Variants in ZNF557 observed in about 807,000 individuals in gnomAD.
The protein encoded by ZNF557 is CTB-25J19.9.
In ZNF557, 19 loss-of-function variants were observed where a neutral mutation model predicts 21.2. The ratio of observed to expected loss-of-function variants is 0.90; its 90% CI spans 0.63 to 1.32. The LOEUF (loss-of-function observed/expected upper bound fraction) is 1.32, where lower values mean the gene tolerates loss of function less well. Ranked by LOEUF, ZNF557 falls within the 40% of genes most tolerant of loss-of-function variation. ZNF557 has a pLI of 0.00. For synonymous variants in ZNF557, 207 were observed against 194.8 expected, an observed-to-expected ratio of 1.06 and a Z score of -0.52; for missense variants, 487 against 519.8, an observed-to-expected ratio of 0.94 and a Z score of 0.61.
intron 2 of ZNF557, among the ~76,000 whole-genome samples, chr19:7,074,278 T>G (rs1977524560): frequency 6.6e-6 from 1 of 150,574 alleles, no homozygotes; most frequent in African/African-American, 2.4e-5. Context: ...AGTGCTGGGA[T>G]TATAGACAGG....
At chr19:7,073,160 T>TTG (rs1206664006) in intron 2 of ZNF557, among the ~76,000 whole-genome samples, 14 of 148,650 alleles carry the variant, frequency 9.4e-5, no homozygotes, top group African/African-American at 2.7e-4. Flanking sequence ...TTTTTTTGTT[T>TTG]TTTTTTTTTT....
At chr19:7,077,820 C>A (rs1977618197) in intron 5 of ZNF557, among the ~76,000 whole-genome samples, 1 of 152,114 alleles carries the variant, frequency 6.6e-6, no homozygotes, top group East Asian at 1.9e-4. Flanking sequence ...TGTCTCTTTT[C>A]CTTTTTTTAA....
intron 5 of ZNF557, among the ~76,000 whole-genome samples, chr19:7,078,376 G>A (rs992717532): frequency 6.6e-6 from 1 of 151,138 alleles, no homozygotes; most frequent in Non-Finnish European, 1.5e-5. Flanking sequence ...GCTTTGATGT[G>A]TAGACTTGTA....
In ZNF557 at chr19:7,083,605, T is replaced by A. The variant is rs1310845787; in HGVS notation, c.1154T>A (p.Phe385Tyr). The A allele has an allele frequency of 6.2e-7, 1 of 1,613,960 alleles. No homozygotes were observed. The highest frequency in any genetic ancestry group is 8.5e-7 in the Non-Finnish European group (1 of 1,179,964). ...GAGTGCAGTGATTGTGGAAAATCCT[T>A]TAATGTTCTCTCATCCGTTAAGAAA... is the stretch of plus-strand genomic sequence containing the variant. ...SYECSDCGKS[F>Y]NVLSSVKKHM... Residue 385 changes from phenylalanine to tyrosine, a missense_variant, in exon 8 of 8, where the codon TTT (phenylalanine) becomes TAT (tyrosine). Phe to Tyr is a conservative substitution (Grantham distance 22, BLOSUM62 3). Coordinates refer to ENST00000252840, the MANE Select transcript of ZNF557 (RefSeq NM_024341.3).
At chr19:7,073,907 G>A (rs191203252) in intron 2 of ZNF557, among the ~76,000 whole-genome samples, 17 of 152,114 alleles carry the variant, frequency 1.1e-4, no homozygotes, top group African/African-American at 3.9e-4. Context: ...CTACAGCTCT[G>A]TTTTGTCTAC....
At chr19:7,073,475 A>G (rs543329692) in intron 2 of ZNF557, among the ~76,000 whole-genome samples, 2 of 152,080 alleles carry the variant, frequency 1.3e-5, no homozygotes, top group African/African-American at 2.4e-5. Context: ...ATTTTCTTGC[A>G]TGTCATAATA....
chr19:7,071,209 T>C (rs1977449888), intron 2 of ZNF557, among the ~76,000 whole-genome samples: 1 of 152,228 alleles, frequency 6.6e-6, no homozygotes, highest in African/African-American at 2.4e-5. Flanking sequence ...AAAGTTTTTT[T>C]TTCAACCTTC....
intron 7 of ZNF557, among the ~76,000 whole-genome samples, chr19:7,082,257 A>G (rs964682456): frequency 6.6e-6 from 1 of 151,846 alleles, no homozygotes; most frequent in Non-Finnish European, 1.5e-5. Flanking sequence ...CATCTCTACT[A>G]AAAATACAAA....
chr19:7,071,448 T>G (rs1393128475), intron 2 of ZNF557, among the ~76,000 whole-genome samples: 2 of 152,188 alleles, frequency 1.3e-5, no homozygotes, highest in African/African-American at 4.8e-5. Flanking sequence ...CAGCAAAGAT[T>G]AAGATCATTT....
chr19:7,087,701 AGTGTGTGTGTGTGT>A lies in ZNF557; in HGVS notation c.*3966_*3979del, dbSNP rs34159066. 2 of 148,366 alleles carry A rather than the reference AGTGTGTGTGTGTGT, an allele frequency of 1.3e-5. No individual in the cohort carries two copies. Among genetic ancestry groups the A allele is most frequent in the East Asian group, 4.0e-4 (2 of 4,992 alleles). The allele number at this position is 148,366 out of a possible 1,614,324, so 9.2% of individuals were successfully genotyped here. A position where few individuals can be genotyped will look rare whatever the true frequency, so the allele number is the denominator to read the frequency against. Reference sequence around the variant, plus strand: ...TAAAACCAAAGAGAGAGAGAGAGAGAGTGTGTGTGTGTGTGTGTGTGTTTGGTTGGGGGGTGTTG... The same window carrying A: ...TAAAACCAAAGAGAGAGAGAGAGAGAGTGTGTGTTTGGTTGGGGGGTGTTG... On this transcript the variant is annotated 3_prime_UTR_variant, in exon 8 of 8. Transcript: ENST00000252840.
chr19:7,081,885 C>G, intron 6 of ZNF557, 85 bp from the exon 7 acceptor site: 2 of 1,022,630 alleles, frequency 2.0e-6, no homozygotes, highest in Admixed American at 1.9e-5. Flanking sequence ...TCTGCCTTCA[C>G]TCACGTATGC....
rs144055145 is a variant in ZNF557, at chr19:7,083,122, C to T, written c.671C>T (p.Thr224Ile). ...GKTFSSRSYLTVHKRIHNGEK... is the reference protein window; with the variant it reads ...GKTFSSRSYLIVHKRIHNGEK... ...ACCTTCAGCAGCAGATCTTACCTTACTGTTCATAAGAGAATCCACAATGGG... is the reference window on the plus strand; with the variant it reads ...ACCTTCAGCAGCAGATCTTACCTTATTGTTCATAAGAGAATCCACAATGGG... The change falls in exon 8 of 8, where the codon ACT becomes ATT. Residue 224 changes from threonine (T) to isoleucine (I), a missense_variant. By Grantham distance (89) the Thr-to-Ile change is moderately conservative. Transcript: ENST00000252840. 2.8e-5 allele frequency: 45 copies of T among 1,613,974 alleles called. 2 individuals carry two copies. The highest frequency in any genetic ancestry group is 1.9e-4 in the African/African-American group (14 of 74,904).
At chr19:7,071,799 C>CAAAAA (rs71177147) in intron 2 of ZNF557, among the ~76,000 whole-genome samples, 631 of 55,004 alleles carry the variant, frequency 0.011, 134 homozygotes, top group Non-Finnish European at 0.014. Flanking sequence ...GACTGCATCT[C>CAAAAA]AAAAAAAAAA....
chr19:7,075,143 C>G, intron 3 of ZNF557, 38 bp downstream of exon 3: 1 of 1,613,752 alleles, frequency 6.2e-7, no homozygotes, highest in Non-Finnish European at 8.5e-7. Flanking sequence ...AGAGTCCAGG[C>G]TTGAAAGGTC....
At chr19:7,077,285 G>A (rs1279728460) in intron 5 of ZNF557, among the ~76,000 whole-genome samples, 2 of 151,778 alleles carry the variant, frequency 1.3e-5, no homozygotes, top group Middle Eastern at 3.5e-3. Context: ...AAAGGCATGC[G>A]CCACCACACT....
Position 7,083,602 on chromosome 19 carries a change from C to G in ZNF557, c.1151C>G (p.Ser384Cys), listed in dbSNP as rs777913497. ...KSYECSDCGK[S>C]FNVLSSVKKH... ...TATGAGTGCAGTGATTGTGGAAAAT[C>G]CTTTAATGTTCTCTCATCCGTTAAG... The change falls in exon 8 of 8, where the codon TCC (serine) becomes TGC (cysteine). Residue 384 changes from serine to cysteine, a missense_variant. By Grantham distance (112) the Ser-to-Cys change is moderately radical (BLOSUM62 -1). Transcript: ENST00000252840. 3 of 1,614,052 alleles carry G rather than the reference C, an allele frequency of 1.9e-6. No individual in the cohort carries two copies. Among genetic ancestry groups the G allele is most frequent in the Non-Finnish European group, 2.5e-6 (3 of 1,179,958 alleles).
intron 5 of ZNF557, among the ~76,000 whole-genome samples, chr19:7,079,304 C>T (rs1372780682): frequency 5.1e-5 from 7 of 138,426 alleles, no homozygotes; most frequent in Admixed American, 3.2e-4. Flanking sequence ...TGCAGTGGTG[C>T]AATCTTGGCT....
chr19:7,079,519 C>T (rs752299108), intron 5 of ZNF557, among the ~76,000 whole-genome samples: 22 of 152,242 alleles, frequency 1.4e-4, no homozygotes, highest in South Asian at 4.1e-4. Flanking sequence ...GGATTACAGC[C>T]ATGAGCCACC....
At position 7,086,872 on chromosome 19, in the gene ZNF557, T is replaced by TA. The variant is rs1185962912; in HGVS notation, c.*3129dup. The TA allele has an allele frequency of 6.6e-6, 1 of 151,268 alleles. No homozygotes were observed. The highest frequency in any genetic ancestry group is 1.5e-5 in the Non-Finnish European group (1 of 67,826). The allele number at this position is 151,268 out of a possible 1,614,324, so 9.4% of individuals were successfully genotyped here. A position where few individuals can be genotyped will look rare whatever the true frequency, so the allele number is the denominator to read the frequency against. On this transcript the variant is annotated 3_prime_UTR_variant, in exon 8 of 8. Coordinates refer to ENST00000252840, the MANE Select transcript of ZNF557 (RefSeq NM_024341.3). The stretch of plus-strand genomic sequence containing the variant: ...GAAACCTCGTCTCTACTAAAAAAAA[T>TA]ACAAAAATTAGCTGGGCGTGATGAC...
Sources: allele counts gnomAD v4.1 joint callset (sites outside exome capture counted in the v4.1 genomes callset), GRCh38; gene constraint gnomAD v4.1.1; transcripts MANE v1.5; gene names NCBI Gene and HGNC (gene_info 2026-07-23, HGNC 2026-07-21).